Variants in CALD1 observed in about 807,000 individuals in gnomAD.
CALD1 encodes caldesmon 1, also known as caldesmon.
A neutral mutation model predicts 99.9 loss-of-function variants in CALD1; 33 were observed. The ratio of observed to expected loss-of-function variants is 0.33; its 90% confidence interval spans 0.25 to 0.44. The LOEUF is 0.44. Ranked by LOEUF, CALD1 falls within the 20% of genes least tolerant of loss-of-function variation. The pLI is 1.00. For synonymous variants in CALD1, 310 were observed against 325.0 expected, an observed-to-expected ratio of 0.95 and a Z score of 0.50; for missense variants, 861 against 962.1, an observed-to-expected ratio of 0.89 and a Z score of 1.39.
At chr7:134,935,836 T>C in intron 6 of CALD1, 71 bp downstream of exon 6, 1 of 1,446,266 alleles carries the variant, frequency 6.9e-7, no homozygotes, top group South Asian at 1.3e-5. Context: ...ATATCTCAGG[T>C]CTGATGATCT....
At chr7:134,808,156 A>G (rs1310639179) in intron 1 of CALD1, among the ~76,000 whole-genome samples, 1 of 150,748 alleles carries the variant, frequency 6.6e-6, no homozygotes, top group African/African-American at 2.4e-5. Context: ...GCTTGAGTAC[A>G]GTGGTGCAAT....
At chr7:134,857,158 CTTTTTTTTTTTTT>C (rs59210460) in intron 2 of CALD1, among the ~76,000 whole-genome samples, 4 of 75,354 alleles carry the variant, frequency 5.3e-5, no homozygotes, top group Admixed American at 2.0e-4. Flanking sequence ...TTGCGCTATT[CTTTTTTTTTTTTT>C]TTTTTTTTTT....
rs912732154 is a variant in CALD1, at chr7:134,783,110, C to A, written c.-130+3361C>A. On this transcript the variant is annotated intron_variant, in intron 1 of 14. Transcript: ENST00000361675. This position sits in a 1 kb window ranked among gnomAD's most constrained non-coding sequence, Gnocchi z 4.3. ...CCTCCAGCCAAAAGCATGGAATGAA[C>A]CCCGGAACGTCATGCCTGGGCCTTG... 2.6e-5 allele frequency among the ~76,000 whole-genome samples: 4 copies of A among 152,156 alleles called. No homozygotes were observed. Among genetic ancestry groups the A allele is most frequent in the South Asian group, 4.1e-4 (2 of 4,826 alleles).
At chr7:134,793,840 T>C (rs1387953992) in intron 1 of CALD1, among the ~76,000 whole-genome samples, 1 of 152,096 alleles carries the variant, frequency 6.6e-6, no homozygotes, top group Non-Finnish European at 1.5e-5. Flanking sequence ...TTAAACCTTT[T>C]ATGTTCTGGT....
At chr7:134,784,898 C>G (rs1258957821) in intron 1 of CALD1, among the ~76,000 whole-genome samples, 1 of 152,116 alleles carries the variant, frequency 6.6e-6, no homozygotes. Context: ...AAAATTTCTT[C>G]TGTGTTTCCA....
intron 1 of CALD1, among the ~76,000 whole-genome samples, chr7:134,767,176 ACT>A (rs925864818): frequency 4.2e-5 from 6 of 143,324 alleles, no homozygotes; most frequent in East Asian, 2.0e-4. Context: ...GTGTACACAC[ACT>A]CTCTCTCTCT....
chr7:134,822,062 G>A (rs1442163289), intron 1 of CALD1: 1 of 152,134 alleles, frequency 6.6e-6, no homozygotes, highest in East Asian at 1.9e-4. Context: ...ACTTATAGGG[G>A]TAAGTCTCAA....
At chr7:134,775,593 C>T (rs1279630300), upstream of CALD1, among the ~76,000 whole-genome samples, 1 of 152,188 alleles carries the variant, frequency 6.6e-6, no homozygotes, top group South Asian at 2.1e-4. Flanking sequence ...CACCTGTAGT[C>T]CCAGCTACTC....
At chr7:134,883,730 A>G (rs1382549363) in intron 3 of CALD1, among the ~76,000 whole-genome samples, 1 of 152,232 alleles carries the variant, frequency 6.6e-6, no homozygotes, top group Non-Finnish European at 1.5e-5. Flanking sequence ...TACAATTCAT[A>G]AGGGTCAAAC....
Position 134,960,567 on chromosome 7 carries a change from G to T in CALD1, c.2234G>T (p.Arg745Leu). The T allele has an allele frequency of 6.2e-7, 1 of 1,612,998 alleles. No homozygotes were observed. The highest frequency in any genetic ancestry group is 1.1e-5 in the South Asian group (1 of 91,060). The change falls in exon 13 of 15, where the codon CGC becomes CTC. Residue 745 changes from arginine to leucine, a missense_variant. By Grantham distance (102) the Arg-to-Leu change is moderately radical. This residue lies in a region of CALD1 where 190 missense variants were observed against 249.0 expected (regional missense o/e 0.76). Transcript: ENST00000361675. ...TAGLKVGVSS[R>L]INEWLTKTPD... ...GGCTTGAAGGTAGGGGTTTCTAGCC[G>T]CATCAATGAATGGCTAACTAAAACC... is the stretch of plus-strand genomic sequence containing the variant.
the CALD1 span, among the ~76,000 whole-genome samples, chr7:134,711,531 C>T: frequency 3.3e-5 from 5 of 152,078 alleles, no homozygotes; most frequent in African/African-American, 4.8e-5. Context: ...GCAACACCAG[C>T]TCTTCCCTGG....
rs1808384599 is a variant in CALD1 at position 134,962,869 on chromosome 7, TTCTCCTGCCTTC to T, written c.2295+2242_2295+2253del. The T allele has an allele frequency of 8.8e-6, 4 of 456,598 alleles. No individual in the cohort carries two copies. In the Admixed American group the frequency reaches 9.4e-5, roughly 11 times the overall value. The allele number at this position is 456,598 out of a possible 1,614,324, so 28.3% of individuals were successfully genotyped here. A position where few individuals can be genotyped will look rare whatever the true frequency, so the allele number is the denominator to read the frequency against. ...GGTCTCTGGTTGATTGGAAACCTGC[TTCTCCTGCCTTC>T]ATTTCTCCCTCTTCTTCCGGAGTGG... On this transcript the variant is annotated intron_variant, in intron 13 of 14. Transcript: ENST00000361675.
At chr7:134,860,902 A>T (rs934182443) in intron 2 of CALD1, among the ~76,000 whole-genome samples, 3 of 152,224 alleles carry the variant, frequency 2.0e-5, no homozygotes, top group Non-Finnish European at 2.9e-5. Flanking sequence ...GATGTAGATT[A>T]AAAAGAATGA....
At chr7:134,957,421 TTTTG>T (rs36194991) in intron 9 of CALD1, among the ~76,000 whole-genome samples, 40,454 of 151,748 alleles carry the variant, frequency 0.27, 5,512 homozygotes, top group East Asian at 0.31. Flanking sequence ...TGTTGTTGCA[TTTTG>T]TTTGTTTGTT....
intron 5 of CALD1, among the ~76,000 whole-genome samples, 198 bp from the exon 6 acceptor site, chr7:134,935,490 G>A (rs1166079364): frequency 6.6e-6 from 1 of 152,160 alleles, no homozygotes; most frequent in East Asian, 1.9e-4. Flanking sequence ...CGCAATGGCA[G>A]GCACACGAGA....
chr7:134,754,030 T>C (rs7804149), intron 1 of CALD1, among the ~76,000 whole-genome samples: 100,675 of 151,526 alleles, frequency 0.66, 34,039 homozygotes, highest in East Asian at 0.99. Flanking sequence ...CAGGCAGCCC[T>C]GACCATATTT....
intron 1 of CALD1, among the ~76,000 whole-genome samples, chr7:134,747,133 C>T (rs138191397): frequency 0.013 from 2,027 of 152,290 alleles, 27 homozygotes; most frequent in Non-Finnish European, 0.023. Flanking sequence ...AGATTGTCAT[C>T]TCAATGGAAG....
chr7:134,777,484 T>C (rs1157197868), upstream of CALD1, among the ~76,000 whole-genome samples: 1 of 152,218 alleles, frequency 6.6e-6, no homozygotes, highest in African/African-American at 2.4e-5. Context: ...CTGTTGATAA[T>C]ATTTTCCCCA....
chr7:134,835,026 T>G (rs1269525345), intron 1 of CALD1, among the ~76,000 whole-genome samples: 2 of 152,232 alleles, frequency 1.3e-5, no homozygotes, highest in African/African-American at 4.8e-5. Flanking sequence ...TTACCAGTTT[T>G]CTAGTGCAAA....
Sources: gnomAD v4.1 joint callset for allele counts (sites outside exome capture counted in the v4.1 genomes callset) on GRCh38, gnomAD v4.1.1 for gene constraint, gnomAD v4.1.1 regional missense constraint, Gnocchi (gnomAD v3.1) non-coding constraint, MANE v1.5 for transcripts, NCBI Gene and HGNC (gene_info 2026-07-23, HGNC 2026-07-21) for gene names.